The following PTPRE variants were observed in gnomAD, a reference collection of about 807,000 sequenced individuals.
PTPRE encodes receptor-type tyrosine-protein phosphatase epsilon.
In PTPRE, 51 loss-of-function variants were observed where a neutral mutation model predicts 102.0. The observed-to-expected ratio is 0.50, with a 90% CI of 0.40 to 0.63. The LOEUF is 0.63. Ranked by LOEUF, PTPRE falls within the 30% of genes least tolerant of loss-of-function variation. PTPRE has a pLI of 0.00. For synonymous variants in PTPRE, 345 were observed against 348.2 expected, an observed-to-expected ratio of 0.99 and a Z score of 0.10; for missense variants, 752 against 915.1, an observed-to-expected ratio of 0.82 and a Z score of 2.30.
intron 3 of PTPRE, among the ~76,000 whole-genome samples, chr10:128,046,988 C>T (rs1270551436): frequency 6.6e-6 from 1 of 152,184 alleles, no homozygotes; most frequent in Non-Finnish European, 1.5e-5. Context: ...CTGCCCAAGC[C>T]CAAGGGGCCC....
At chr10:127,926,874 T>C (rs1259298427) in intron 1 of PTPRE, among the ~76,000 whole-genome samples, 2 of 146,058 alleles carry the variant, frequency 1.4e-5, no homozygotes, top group African/African-American at 2.6e-5. Flanking sequence ...TGCAGTGGTG[T>C]GATCTCAGCT....
At chr10:127,923,292 C>G (rs181995740) in intron 1 of PTPRE, among the ~76,000 whole-genome samples, 9 of 152,310 alleles carry the variant, frequency 5.9e-5, no homozygotes, top group Non-Finnish European at 1.3e-4. Context: ...ACACCCTGAC[C>G]TGGCCCCAGG....
At chr10:128,049,087 A>T (rs1398958798) in intron 5 of PTPRE, among the ~76,000 whole-genome samples, 2 of 152,186 alleles carry the variant, frequency 1.3e-5, no homozygotes, top group African/African-American at 4.8e-5. Flanking sequence ...GTTATGAAGA[A>T]GAAAAGGCTG....
chr10:128,033,058 G>A (rs937911211), intron 2 of PTPRE, among the ~76,000 whole-genome samples: 1 of 152,112 alleles, frequency 6.6e-6, no homozygotes, highest in Non-Finnish European at 1.5e-5. Context: ...GGCTGTAATG[G>A]TGTCGCTGAC....
rs745907322 is a variant in PTPRE at position 128,040,872 on chromosome 10, C to T, written c.-7-3C>T. 10 of 1,612,678 alleles carry T rather than the reference C, an allele frequency of 6.2e-6. No homozygotes were observed. In the East Asian group the frequency reaches 1.8e-4, roughly 29 times the overall value. On this transcript the variant is annotated splice_polypyrimidine_tract_variant and splice_region_variant and intron_variant, in intron 2 of 20. Coordinates refer to ENST00000254667, the MANE Select transcript of PTPRE (RefSeq NM_006504.6). ...CTCTGAGCCTGTCCCTGCCTCTCTG[C>T]AGGTCCACCATGGAGCCCTTGTGTC... is the stretch of plus-strand genomic sequence containing the variant.
intron 1 of PTPRE, among the ~76,000 whole-genome samples, chr10:127,976,947 A>G (rs1465375889): frequency 6.6e-6 from 1 of 152,222 alleles, no homozygotes; most frequent in Non-Finnish European, 1.5e-5. Context: ...GAATGCAGAG[A>G]CAGCCGCAGG....
At chr10:128,037,632 A>G (rs1000545927) in intron 2 of PTPRE, among the ~76,000 whole-genome samples, 1 of 152,252 alleles carries the variant, frequency 6.6e-6, no homozygotes, top group African/African-American at 2.4e-5. Context: ...TTTATAATGA[A>G]GTAGATAGCA....
intron 2 of PTPRE, among the ~76,000 whole-genome samples, chr10:128,040,442 C>T (rs74159146): frequency 1.3e-5 from 2 of 152,066 alleles, no homozygotes; most frequent in Non-Finnish European, 2.9e-5. Context: ...AAGAGGACAG[C>T]GTGGCCAGAG....
At chr10:127,945,146 A>G (rs1374325099) in intron 1 of PTPRE, among the ~76,000 whole-genome samples, 1 of 152,232 alleles carries the variant, frequency 6.6e-6, no homozygotes, top group East Asian at 1.9e-4. Context: ...TCCAGAGCTT[A>G]GTGCAGTGCC....
chr10:127,924,318 C>T lies in PTPRE; in HGVS notation c.-31+17009C>T, dbSNP rs547447867. On this transcript the variant is annotated intron_variant, in intron 1 of 20. Coordinates refer to ENST00000254667, the MANE Select transcript of PTPRE (RefSeq NM_006504.6). Reference sequence around the variant, plus strand: ...TCGGCTCATTGCAACCTTCGCCTCCCGGATTCAAGTGATTCTTGTGCCTCA... The same window carrying T: ...TCGGCTCATTGCAACCTTCGCCTCCTGGATTCAAGTGATTCTTGTGCCTCA... 8.1e-4 allele frequency among the ~76,000 whole-genome samples: 124 copies of T among 152,220 alleles called. 1 individual carries two copies. Among genetic ancestry groups the T allele is most frequent in the African/African-American group, 2.7e-3 (111 of 41,510 alleles).
At chr10:127,964,260 C>G (rs1479502095) in intron 1 of PTPRE, among the ~76,000 whole-genome samples, 1 of 152,144 alleles carries the variant, frequency 6.6e-6, no homozygotes, top group Non-Finnish European at 1.5e-5. Flanking sequence ...ACTTCTGCCT[C>G]CCGGGTTCCA....
At chr10:127,987,253 A>G in intron 2 of PTPRE, 7 of 1,018,626 alleles carry the variant, frequency 6.9e-6, no homozygotes, top group Admixed American at 3.8e-5. Context: ...GATTTCCTAT[A>G]TAAACTCATG....
rs1038933619 is a variant in PTPRE at position 128,028,428 on chromosome 10, A to G, written c.-7-12447A>G. On this transcript the variant is annotated intron_variant, in intron 2 of 20. Coordinates refer to ENST00000254667, the MANE Select transcript of PTPRE (RefSeq NM_006504.6). This position sits in a 1 kb window ranked among gnomAD's most constrained non-coding sequence, Gnocchi z 4.5. Reference sequence around the variant, plus strand: ...GAATTGCTGGGCCGTGATCTCCTCCATCTTTTCTTTCTCCAGCTGCCTCTG... The same window carrying G: ...GAATTGCTGGGCCGTGATCTCCTCCGTCTTTTCTTTCTCCAGCTGCCTCTG... Among the ~76,000 whole-genome samples the G allele has an allele frequency of 2.0e-5, 3 of 152,242 alleles. No individual in the cohort carries two copies. Among genetic ancestry groups the G allele is most frequent in the African/African-American group, 7.2e-5 (3 of 41,560 alleles).
chr10:128,068,485 A>G (rs1850477362), intron 12 of PTPRE, 199 bp downstream of exon 12: 4 of 511,018 alleles, frequency 7.8e-6, no homozygotes, highest in South Asian at 5.1e-5. Flanking sequence ...TCTTCATCCC[A>G]GTCGATAAAA....
chr10:127,999,997 A>C (rs1477200359), intron 2 of PTPRE: 1 of 979,328 alleles, frequency 1.0e-6, no homozygotes, highest in Admixed American at 6.1e-5. Context: ...AGACGCGGAA[A>C]GGGATCCCCA....
intron 2 of PTPRE, among the ~76,000 whole-genome samples, chr10:127,988,354 G>T (rs1852295463): frequency 7.2e-6 from 1 of 138,138 alleles, no homozygotes; most frequent in Admixed American, 7.9e-5. Flanking sequence ...CACTCAGGCT[G>T]GAGTTCGTTG....
At chr10:127,971,059 G>GGCAGAGGTCTCTGTGTCCTTTGTCCCAT in intron 1 of PTPRE, among the ~76,000 whole-genome samples, 1 of 152,266 alleles carries the variant, frequency 6.6e-6, no homozygotes, top group East Asian at 1.9e-4. Flanking sequence ...TACACACAGC[G>GGCAGAGGTCTCTGTGTCCTTTGTCCCAT]GCAGAGGTCT....
intron 1 of PTPRE, among the ~76,000 whole-genome samples, chr10:127,926,606 G>T (rs1387323781): frequency 6.6e-6 from 1 of 152,134 alleles, no homozygotes; most frequent in Non-Finnish European, 1.5e-5. Context: ...TGAGGAGCAA[G>T]CCTGAGAGGT....
At chr10:128,032,002 A>G (rs1046988603) in intron 2 of PTPRE, among the ~76,000 whole-genome samples, 3 of 152,058 alleles carry the variant, frequency 2.0e-5, no homozygotes, top group South Asian at 2.1e-4. Context: ...TTTTCATCTT[A>G]GAGCAATTGA....
Sources: allele counts gnomAD v4.1 joint callset (sites outside exome capture counted in the v4.1 genomes callset), GRCh38; gene constraint gnomAD v4.1.1; non-coding constraint Gnocchi (gnomAD v3.1); transcripts MANE v1.5; gene names NCBI Gene and HGNC (gene_info 2026-07-23, HGNC 2026-07-21).